The following KIAA1549L variants were observed in gnomAD, a reference collection of about 807,000 sequenced individuals.
KIAA1549L encodes the protein UPF0606 protein KIAA1549L.
A neutral mutation model predicts 160.7 loss-of-function variants in KIAA1549L; 88 were observed. The ratio of observed to expected loss-of-function variants is 0.55; its 90% confidence interval spans 0.46 to 0.65. The LOEUF (loss-of-function observed/expected upper bound fraction) is 0.65. Ranked by LOEUF, KIAA1549L falls within the 30% of genes least tolerant of loss-of-function variation. The pLI, the probability that KIAA1549L is intolerant of heterozygous loss-of-function variation, is 0.00. For synonymous variants in KIAA1549L, 950 were observed against 976.7 expected (o/e 0.97, Z 0.51); for missense variants, 2,258 against 2,437.5 (o/e 0.93, Z 1.55).
intron 1 of KIAA1549L, among the ~76,000 whole-genome samples, chr11:33,435,785 T>TAAA (rs1851346600): frequency 9.1e-5 from 1 of 11,008 alleles, no homozygotes; most frequent in African/African-American, 7.0e-4. Flanking sequence ...TATATATATA[T>TAAA]ATATATATAT....
chr11:33,589,113 C>T (rs542723834), intron 11 of KIAA1549L, among the ~76,000 whole-genome samples: 1 of 152,302 alleles, frequency 6.6e-6, no homozygotes, highest in Non-Finnish European at 1.5e-5. Flanking sequence ...TATGAACAGA[C>T]ACTTCTCAAA....
At chr11:33,614,225 CA>C (rs1440473170) in intron 15 of KIAA1549L, among the ~76,000 whole-genome samples, 3 of 151,988 alleles carry the variant, frequency 2.0e-5, no homozygotes, top group African/African-American at 4.8e-5. Context: ...TTGCTGACCC[CA>C]GAGAAACTGT....
rs192192863 is a variant in KIAA1549L at position 33,419,348 on chromosome 11, A to G, written c.238+42459A>G. 2.2e-3 allele frequency among the ~76,000 whole-genome samples: 338 copies of G among 152,306 alleles called. 1 individual carries two copies. The highest frequency in any genetic ancestry group is 7.9e-3 in the African/African-American group (328 of 41,556). On this transcript the variant is annotated intron_variant, in intron 1 of 20. Transcript: ENST00000658780. The stretch of plus-strand genomic sequence containing the variant: ...TGATACCTTGACATTTTTATCAGCC[A>G]ATCTTTATACTTGATGGTTTCTGCT...
At chr11:33,646,660 C>T (rs898602130) in intron 17 of KIAA1549L, among the ~76,000 whole-genome samples, 1 of 152,182 alleles carries the variant, frequency 6.6e-6, no homozygotes, top group South Asian at 2.1e-4. Flanking sequence ...GCCATTGCAA[C>T]CTTACACACA....
chr11:33,509,127 C>A lies in KIAA1549L; in HGVS notation c.239-32675C>A, dbSNP rs115840438. On this transcript the variant is annotated intron_variant, in intron 1 of 20. Coordinates refer to ENST00000658780, the MANE Select transcript of KIAA1549L (RefSeq NM_012194.3). ...CTTCTAGCACTTTCTGCACTCACTG[C>A]ATTGTATTTCTGATGTTTTGTTGGC... 7.0e-3 allele frequency among the ~76,000 whole-genome samples: 1,071 copies of A among 152,286 alleles called. 16 individuals are homozygous for A. Among genetic ancestry groups the A allele is most frequent in the African/African-American group, 0.025 (1,034 of 41,556 alleles).
intron 1 of KIAA1549L, among the ~76,000 whole-genome samples, chr11:33,392,115 G>C (rs1850282746): frequency 6.6e-6 from 1 of 152,138 alleles, no homozygotes; most frequent in African/African-American, 2.4e-5. Context: ...TGGCCTAAGG[G>C]CACATTGCTT....
At position 33,490,410 on chromosome 11, in the gene KIAA1549L, G is replaced by A. The variant is rs190647698; in HGVS notation, c.239-51392G>A. Among the ~76,000 whole-genome samples, 192 of 148,006 alleles carry A rather than the reference G, an allele frequency of 1.3e-3. 2 individuals are homozygous for A. The highest frequency in any genetic ancestry group is 4.6e-3 in the African/African-American group (185 of 39,814). ...GCAATCTTGGCTCACTGCAACCTCC[G>A]CCCTCTGGGCTCAAGTGATCCTCCT... On this transcript the variant is annotated intron_variant, in intron 1 of 20. Coordinates refer to ENST00000658780, the MANE Select transcript of KIAA1549L (RefSeq NM_012194.3).
At chr11:33,607,417 A>G (rs1850535525) in intron 14 of KIAA1549L, among the ~76,000 whole-genome samples, 1 of 152,242 alleles carries the variant, frequency 6.6e-6, no homozygotes, top group South Asian at 2.1e-4. Flanking sequence ...ATTTCATCAA[A>G]GAAAATTAGA....
intron 1 of KIAA1549L, among the ~76,000 whole-genome samples, chr11:33,491,540 G>A (rs747228954): frequency 8.5e-5 from 13 of 152,052 alleles, no homozygotes; most frequent in Non-Finnish European, 1.5e-4. Context: ...TTTTCTATTG[G>A]GCTATTTTCC....
At chr11:33,477,507 GCACACACACACAAACACACA>G (rs1852314298) in intron 1 of KIAA1549L, among the ~76,000 whole-genome samples, 1 of 131,740 alleles carries the variant, frequency 7.6e-6, no homozygotes, top group Non-Finnish European at 1.5e-5. Flanking sequence ...GCAGGTGCAC[GCACACACACACAAACACACA>G]CACACACACA....
At chr11:33,577,680 GGT>G (rs1855498897) in intron 10 of KIAA1549L, among the ~76,000 whole-genome samples, 1 of 152,084 alleles carries the variant, frequency 6.6e-6, no homozygotes, top group South Asian at 2.1e-4. Flanking sequence ...TTTCAGCTGG[GGT>G]GTGTGGTAAT....
intron 11 of KIAA1549L, among the ~76,000 whole-genome samples, chr11:33,588,577 C>T (rs1372376288): frequency 1.3e-5 from 2 of 152,148 alleles, no homozygotes; most frequent in Admixed American, 6.5e-5. Flanking sequence ...AGTCAGCTTC[C>T]AGAAACATTT....
At chr11:33,645,460 T>C (rs1292982467) in intron 16 of KIAA1549L, among the ~76,000 whole-genome samples, 1 of 152,190 alleles carries the variant, frequency 6.6e-6, no homozygotes, top group Non-Finnish European at 1.5e-5. Flanking sequence ...TTGGTCAATC[T>C]ATGGGCAACT....
intron 1 of KIAA1549L, among the ~76,000 whole-genome samples, chr11:33,427,315 C>A (rs1165117201): frequency 6.6e-6 from 1 of 152,196 alleles, no homozygotes; most frequent in African/African-American, 2.4e-5. Context: ...CCTGCCTTCT[C>A]TCCCTTTGAG....
chr11:33,567,992 TGTGCAGGGTCA>T, intron 8 of KIAA1549L, 73 bp from the exon 9 acceptor site: 3 of 1,383,738 alleles, frequency 2.2e-6, no homozygotes, highest in Non-Finnish European at 2.9e-6. Context: ...CTTGGTGGCC[TGTGCAGGGTCA>T]GTGGTGCTTG....
At chr11:33,599,038 C>G in intron 13 of KIAA1549L, 91 bp downstream of exon 13, 1 of 1,443,354 alleles carries the variant, frequency 6.9e-7, no homozygotes, top group East Asian at 2.3e-5. Context: ...AACTCACACA[C>G]AGCCACTGGG....
intron 1 of KIAA1549L, among the ~76,000 whole-genome samples, chr11:33,463,110 T>G (rs2133003777): frequency 6.6e-6 from 1 of 152,320 alleles, no homozygotes; most frequent in African/African-American, 2.4e-5. Flanking sequence ...ATTACCTGCA[T>G]GAGCCACCAT....
chr11:33,537,318 G>A (rs913555604), intron 1 of KIAA1549L, among the ~76,000 whole-genome samples: 3 of 152,128 alleles, frequency 2.0e-5, no homozygotes, highest in Non-Finnish European at 2.9e-5. Context: ...TTTGAAAAAT[G>A]CTGGTGTCCA....
In KIAA1549L at chr11:33,376,553, CCGTGGCCGGCGATGCCCGGTGAGG is replaced by C. The variant is rs1849956294; in HGVS notation, c.-98_-75del. 6.7e-6 allele frequency: 1 copy of C among 148,744 alleles called. No individual in the cohort carries two copies. Among genetic ancestry groups the C allele is most frequent in the Admixed American group, 6.7e-5 (1 of 14,998 alleles). 9.2% of individuals were successfully genotyped at this position (148,744 alleles called of 1,614,324 possible). On this transcript the variant is annotated 5_prime_UTR_variant, in exon 1 of 21. It removes an upstream start codon present in the reference 5' UTR. Transcript: ENST00000658780. The surrounding 1 kb of genome is among the most constrained non-coding windows in gnomAD (Gnocchi z 5.8). Reference sequence around the variant, plus strand: ...GCGCCCCCTCCCTCCGGCGCCCGGGCCGTGGCCGGCGATGCCCGGTGAGGACCGGGGCGCCGAGGGCTGGGCTCC... The same window carrying C: ...GCGCCCCCTCCCTCCGGCGCCCGGGCACCGGGGCGCCGAGGGCTGGGCTCC...
Sources: gnomAD v4.1 joint callset for allele counts (sites outside exome capture counted in the v4.1 genomes callset) on GRCh38, gnomAD v4.1.1 for gene constraint, Gnocchi (gnomAD v3.1) non-coding constraint, MANE v1.5 for transcripts, NCBI Gene and HGNC (gene_info 2026-07-23, HGNC 2026-07-21) for gene names.